The following ZNF573 variants were observed in gnomAD, a reference collection of about 807,000 sequenced individuals.
The protein encoded by ZNF573 is zinc finger protein 573.
In ZNF573, 41 loss-of-function variants were observed where a neutral mutation model predicts 57.4. The observed-to-expected ratio is 0.71, with a 90% CI of 0.56 to 0.93. ZNF573 has a LOEUF of 0.93. ZNF573 is among the 40% of genes least tolerant of loss of function. The pLI, the probability that ZNF573 is intolerant of heterozygous loss-of-function variation, is 0.00. For missense variants in ZNF573, 730 were observed against 794.8 expected (o/e 0.92, Z 0.98); for synonymous variants, 249 against 261.0 (o/e 0.95, Z 0.44).
chr19:37,744,875 A>C (rs2045365381), intron 4 of ZNF573, among the ~76,000 whole-genome samples: 1 of 151,172 alleles, frequency 6.6e-6, no homozygotes, highest in African/African-American at 2.4e-5. Context: ...TCTGCCTCCC[A>C]GGTTCATGCC....
intron 4 of ZNF573, among the ~76,000 whole-genome samples, chr19:37,743,319 CA>C (rs74174484): frequency 3.9e-4 from 39 of 99,980 alleles, no homozygotes; most frequent in Middle Eastern, 5.0e-3. Context: ...GAATCCATCT[CA>C]AAAAAAAAAA....
At chr19:37,740,618 C>T (rs2045318621) in intron 4 of ZNF573, 1 of 456,160 alleles carries the variant, frequency 2.2e-6, no homozygotes, top group Non-Finnish European at 4.4e-6. Flanking sequence ...AATACAAATC[C>T]CTTTCCAAGG....
intron 4 of ZNF573, among the ~76,000 whole-genome samples, chr19:37,759,618 C>T (rs2045531511): frequency 6.6e-6 from 1 of 152,056 alleles, no homozygotes; most frequent in African/African-American, 2.4e-5. Context: ...GTCCCAGCTA[C>T]TCGGGAGGCT....
rs533503171 is a variant in ZNF573, at chr19:37,751,779, C to T, written c.296-11585G>A. Among the ~76,000 whole-genome samples the T allele has an allele frequency of 3.4e-4, 22 of 63,780 alleles. 1 individual carries two copies. Among genetic ancestry groups the T allele is most frequent in the Admixed American group, 3.2e-3 (17 of 5,234 alleles). The allele number at this position is 63,780 out of a possible 152,430, so 41.8% of individuals were successfully genotyped here. Reference sequence around the variant, plus strand: ...ATATACTGTATATAGTACATAGTACCGTATATATACTGTATATAGTACATA... The same window carrying T: ...ATATACTGTATATAGTACATAGTACTGTATATATACTGTATATAGTACATA... On this transcript the variant is annotated intron_variant, in intron 4 of 4. Coordinates refer to ENST00000536220, the MANE Select transcript of ZNF573 (RefSeq NM_001172690.2).
At chr19:37,769,748 AAAG>A (rs1394970533) in intron 4 of ZNF573, among the ~76,000 whole-genome samples, 1 of 150,906 alleles carries the variant, frequency 6.6e-6, no homozygotes, top group African/African-American at 2.4e-5. Flanking sequence ...AAAAAAAAAA[AAAG>A]AAAAGAAAAA....
chr19:37,767,973 T>C (rs2045617541), intron 4 of ZNF573, among the ~76,000 whole-genome samples: 1 of 152,178 alleles, frequency 6.6e-6, no homozygotes, highest in South Asian at 2.1e-4. Flanking sequence ...GTTGCAGACA[T>C]GTGGAGGACT....
At chr19:37,753,954 AC>A (rs376198170) in intron 4 of ZNF573, among the ~76,000 whole-genome samples, 235 of 152,320 alleles carry the variant, frequency 1.5e-3, no homozygotes, top group African/African-American at 5.5e-3. Context: ...AAGAACTCTC[AC>A]AATATATTTC....
intron 3 of ZNF573, 139 bp from the exon 4 acceptor site, chr19:37,770,236 C>G (rs1032618353): frequency 2.2e-5 from 15 of 671,914 alleles, no homozygotes; most frequent in African/African-American, 5.5e-5. Context: ...GAAACAGGCA[C>G]AGTAAAACCT....
At chr19:37,759,026 T>C (rs2045525733) in intron 4 of ZNF573, 1 of 459,390 alleles carries the variant, frequency 2.2e-6, no homozygotes, top group African/African-American at 2.1e-5. Flanking sequence ...ATATCAATAA[T>C]AACTAATTAT....
At chr19:37,758,061 T>TGGGGG (rs2045507423) in intron 4 of ZNF573, among the ~76,000 whole-genome samples, 1 of 145,914 alleles carries the variant, frequency 6.9e-6, no homozygotes, top group African/African-American at 2.6e-5. Context: ...GGGGTGGGGG[T>TGGGGG]AGGGGGGAGG....
intron 4 of ZNF573, among the ~76,000 whole-genome samples, chr19:37,769,343 T>C (rs1465048919): frequency 6.6e-6 from 1 of 152,182 alleles, no homozygotes; most frequent in African/African-American, 2.4e-5. Flanking sequence ...GTCTTCCTCA[T>C]GATCACTACA....
chr19:37,746,462 G>C (rs2972460), intron 4 of ZNF573, among the ~76,000 whole-genome samples: 4,089 of 152,208 alleles, frequency 0.027, 192 homozygotes, highest in African/African-American at 0.092. Flanking sequence ...GTAGATGAGA[G>C]TCAGAGACAT....
At chr19:37,754,409 A>G (rs1214041606) in intron 4 of ZNF573, among the ~76,000 whole-genome samples, 2 of 151,792 alleles carry the variant, frequency 1.3e-5, no homozygotes, top group Non-Finnish European at 2.9e-5. Context: ...AATCCCAGCT[A>G]CTACGGAGGC....
intron 2 of ZNF573, chr19:37,773,021 C>T (rs932134999): frequency 5.3e-6 from 5 of 949,318 alleles, no homozygotes; most frequent in Admixed American, 6.2e-5. Context: ...ATAATATTCT[C>T]ATTCATCGCC....
intron 4 of ZNF573, among the ~76,000 whole-genome samples, chr19:37,762,419 TG>T (rs1320157234): frequency 6.6e-6 from 1 of 152,152 alleles, no homozygotes; most frequent in African/African-American, 2.4e-5. Context: ...TGAAATCACT[TG>T]GGTAATGTGG....
intron 4 of ZNF573, among the ~76,000 whole-genome samples, chr19:37,742,868 A>G (rs2045339689): frequency 6.6e-6 from 1 of 152,234 alleles, no homozygotes; most frequent in Non-Finnish European, 1.5e-5. Context: ...AGGAAAAGAA[A>G]CTATCATCAG....
At chr19:37,772,051 G>A (rs1185069474) in intron 2 of ZNF573, among the ~76,000 whole-genome samples, 1 of 152,170 alleles carries the variant, frequency 6.6e-6, no homozygotes. Context: ...ATAAACATGA[G>A]TTTCTAAACT....
chr19:37,747,022 G>A (rs972379317), intron 4 of ZNF573, among the ~76,000 whole-genome samples: 1 of 152,158 alleles, frequency 6.6e-6, no homozygotes, highest in Non-Finnish European at 1.5e-5. Flanking sequence ...AAAAACAGAA[G>A]GATCAGGGTA....
In ZNF573 at chr19:37,770,230, C is replaced by T. The variant is rs1599707033; in HGVS notation, c.203-133G>A. On this transcript the variant is annotated intron_variant, in intron 3 of 4. Coordinates refer to ENST00000536220, the MANE Select transcript of ZNF573 (RefSeq NM_001172690.2). Reference sequence around the variant, plus strand: ...GGGTGAGATGATTGAAGAAATGAAACAGGCACAGTAAAACCTTATTTTAAT... The same window carrying T: ...GGGTGAGATGATTGAAGAAATGAAATAGGCACAGTAAAACCTTATTTTAAT... The T allele has an allele frequency of 9.1e-5, 64 of 702,582 alleles. No homozygotes were observed. The East Asian group carries it at 1.8e-3, about 20-fold the overall frequency. The allele number at this position is 702,582 out of a possible 1,614,324, so 43.5% of individuals were successfully genotyped here.
Sources: allele counts gnomAD v4.1 joint callset (sites outside exome capture counted in the v4.1 genomes callset), GRCh38; gene constraint gnomAD v4.1.1; transcripts MANE v1.5; gene names NCBI Gene and HGNC (gene_info 2026-07-23, HGNC 2026-07-21).